The following POU2F1 variants were observed in gnomAD, a reference collection of about 807,000 sequenced individuals.
The protein encoded by POU2F1 is POU domain, class 2, transcription factor 1.
POU2F1 carries 16 observed loss-of-function variants against 84.9 expected under a neutral mutation model. The ratio of observed to expected loss-of-function variants is 0.19; its 90% CI spans 0.13 to 0.29. The LOEUF (loss-of-function observed/expected upper bound fraction) is 0.29. Ranked by LOEUF, POU2F1 falls within the 10% of genes least tolerant of loss-of-function variation. The pLI, the probability that POU2F1 is intolerant of heterozygous loss-of-function variation, is 1.00. For missense variants in POU2F1, 738 were observed against 942.6 expected (o/e 0.78, Z 2.84); for synonymous variants, 368 against 368.3 (o/e 1.00, Z 0.01).
chr1:167,405,819 CAT>C (rs1649536320), intron 13 of POU2F1, among the ~76,000 whole-genome samples: 1 of 152,208 alleles, frequency 6.6e-6, no homozygotes, highest in Non-Finnish European at 1.5e-5. Context: ...ACACATGGAA[CAT>C]CCATCTCCCA....
chr1:167,414,194 C>G, intron 15 of POU2F1: 1 of 430,892 alleles, frequency 2.3e-6, no homozygotes, highest in Non-Finnish European at 3.1e-6. Context: ...TAAATCATAC[C>G]TGAATTGGTT....
intron 1 of POU2F1, among the ~76,000 whole-genome samples, chr1:167,243,584 T>G (rs1571151736): frequency 6.6e-6 from 1 of 152,248 alleles, no homozygotes; most frequent in Non-Finnish European, 1.5e-5. Context: ...CAAGAGATTC[T>G]TCTGCCTCAG....
At chr1:167,335,069 A>T (rs906110136) in intron 2 of POU2F1, among the ~76,000 whole-genome samples, 3 of 152,224 alleles carry the variant, frequency 2.0e-5, no homozygotes, top group African/African-American at 7.2e-5. Flanking sequence ...CGAGAGGCAA[A>T]ATCAAATGAT....
At chr1:167,247,350 G>C (rs1023287567) in intron 1 of POU2F1, among the ~76,000 whole-genome samples, 6 of 152,058 alleles carry the variant, frequency 3.9e-5, no homozygotes, top group African/African-American at 1.4e-4. Flanking sequence ...TTACAAGTGT[G>C]ACCTGCCACA....
chr1:167,375,253 C>T (rs1249173637), intron 6 of POU2F1, among the ~76,000 whole-genome samples: 1 of 152,070 alleles, frequency 6.6e-6, no homozygotes, highest in Non-Finnish European at 1.5e-5. Flanking sequence ...TTAAAAAGAA[C>T]TAATTAACTG....
chr1:167,328,133 T>A (rs956162459), intron 1 of POU2F1, among the ~76,000 whole-genome samples: 1 of 152,220 alleles, frequency 6.6e-6, no homozygotes, highest in Non-Finnish European at 1.5e-5. Flanking sequence ...AATTCCACAA[T>A]TTACATGGCC....
chr1:167,380,855 G>A (rs533128197), intron 7 of POU2F1: 5 of 152,232 alleles, frequency 3.3e-5, no homozygotes, highest in South Asian at 4.1e-4. Flanking sequence ...TTAATTTCTA[G>A]CAAGGGAAAT....
intron 1 of POU2F1, among the ~76,000 whole-genome samples, chr1:167,282,982 T>C (rs1653263894): frequency 6.6e-6 from 1 of 152,242 alleles, no homozygotes; most frequent in African/African-American, 2.4e-5. Context: ...TGGGAGTAAA[T>C]TGATGTATGT....
intron 2 of POU2F1, among the ~76,000 whole-genome samples, chr1:167,343,664 TTTTTTTTTTTTTTTTTTTTTTTG>T: frequency 6.3e-5 from 1 of 15,902 alleles, no homozygotes; most frequent in Non-Finnish European, 1.2e-4. Flanking sequence ...TTTTTTTTTT[TTTTTTTTTTTTTTTTTTTTTTTG>T]AAGGAAGGAA....
At chr1:167,343,529 T>C (rs528387427) in intron 2 of POU2F1, among the ~76,000 whole-genome samples, 1 of 152,230 alleles carries the variant, frequency 6.6e-6, no homozygotes, top group South Asian at 2.1e-4. Context: ...ATGTTATACT[T>C]TACATCTTGC....
intron 1 of POU2F1, among the ~76,000 whole-genome samples, chr1:167,262,626 T>C (rs1651657131): frequency 6.6e-6 from 1 of 152,086 alleles, no homozygotes; most frequent in Non-Finnish European, 1.5e-5. Context: ...ATCAAACATA[T>C]GAAGAAAAAT....
chr1:167,351,519 C>CAAAA (rs34170498), intron 2 of POU2F1, among the ~76,000 whole-genome samples: 948 of 43,794 alleles, frequency 0.022, no homozygotes, highest in East Asian at 0.034. Context: ...AGCACCATCT[C>CAAAA]AAAAAAAAAA....
intron 2 of POU2F1, among the ~76,000 whole-genome samples, chr1:167,354,918 C>T (rs1238807496): frequency 6.6e-6 from 1 of 152,004 alleles, no homozygotes. Flanking sequence ...TTTGTGTATT[C>T]TGAATACTAA....
intron 12 of POU2F1, among the ~76,000 whole-genome samples, chr1:167,400,015 C>G (rs1399003553): frequency 2.4e-5 from 2 of 81,650 alleles, no homozygotes; most frequent in Admixed American, 1.9e-4. Flanking sequence ...CAGAGTTTCA[C>G]TCTTGTTGCC....
intron 1 of POU2F1, among the ~76,000 whole-genome samples, chr1:167,240,685 T>G (rs1649833311): frequency 6.6e-6 from 1 of 152,208 alleles, no homozygotes; most frequent in Non-Finnish European, 1.5e-5. Flanking sequence ...TGCTTCTGCA[T>G]AAACATATTT....
chr1:167,309,320 G>T (rs1270787708), intron 1 of POU2F1, among the ~76,000 whole-genome samples: 2 of 152,056 alleles, frequency 1.3e-5, no homozygotes, highest in Admixed American at 6.5e-5. Flanking sequence ...GAAAACCATT[G>T]ACTTTATACC....
rs531636127 is a variant in POU2F1 at position 167,310,830 on chromosome 1, G to A, written c.62-21640G>A. ...AGAAAATACAAAGAAAAACTAAATA[G>A]AAATTTTAGAACAGACAGCTACAAT... is the stretch of plus-strand genomic sequence containing the variant. On this transcript the variant is annotated intron_variant, in intron 1 of 15. Transcript: ENST00000367866. Among the ~76,000 whole-genome samples, 19 of 152,192 alleles carry A rather than the reference G, an allele frequency of 1.2e-4. No individual in the cohort carries two copies. The South Asian group carries it at 3.9e-3, about 32-fold the overall frequency.
intron 1 of POU2F1, among the ~76,000 whole-genome samples, chr1:167,265,140 C>T (rs1363934044): frequency 2.0e-5 from 3 of 152,120 alleles, no homozygotes; most frequent in Non-Finnish European, 4.4e-5. Flanking sequence ...ATGTGTAATG[C>T]TGTATATAAC....
At chr1:167,337,075 A>T (rs1191527693) in intron 2 of POU2F1, among the ~76,000 whole-genome samples, 2 of 151,558 alleles carry the variant, frequency 1.3e-5, no homozygotes, top group African/African-American at 4.9e-5. Flanking sequence ...AGGTAGGAGA[A>T]TTGCTTGACC....
Sources: allele counts gnomAD v4.1 joint callset (sites outside exome capture counted in the v4.1 genomes callset), GRCh38; gene constraint gnomAD v4.1.1; transcripts MANE v1.5; gene names NCBI Gene and HGNC (gene_info 2026-07-23, HGNC 2026-07-21).